The following NCOA3 variants were observed in gnomAD, a reference collection of about 807,000 sequenced individuals.
NCOA3 encodes nuclear receptor coactivator 3, also known as CBP-interacting protein.
A neutral mutation model predicts 158.8 loss-of-function variants in NCOA3; 51 were observed. That is an observed-to-expected ratio of 0.32 (90% CI 0.26 to 0.41). NCOA3 has a LOEUF of 0.41. NCOA3 is among the 10% of genes least tolerant of loss of function. The probability of loss-of-function intolerance (pLI) is 1.00; values close to 1 mark genes in which losing one functional copy is unlikely to be tolerated. For missense variants in NCOA3, 1,510 were observed against 1,746.6 expected, an observed-to-expected ratio of 0.86 and a Z score of 2.41; for synonymous variants, 537 against 592.4, an observed-to-expected ratio of 0.91 and a Z score of 1.36.
intron 1 of NCOA3, among the ~76,000 whole-genome samples, chr20:47,567,902 G>T (rs1191755634): frequency 1.3e-5 from 2 of 151,990 alleles, no homozygotes; most frequent in Non-Finnish European, 2.9e-5. Flanking sequence ...TAGAGATGGG[G>T]TCTTTCTGTG....
chr20:47,607,053 C>T (rs1355736712), intron 2 of NCOA3, among the ~76,000 whole-genome samples: 1 of 152,118 alleles, frequency 6.6e-6, no homozygotes, highest in Non-Finnish European at 1.5e-5. Context: ...ATCTAAATGA[C>T]CCGGTGTTTG....
chr20:47,511,550 T>TATATATATATATATACATACATAC, intron 1 of NCOA3, among the ~76,000 whole-genome samples: 6 of 52,266 alleles, frequency 1.1e-4, no homozygotes, highest in Non-Finnish European at 2.4e-4. Context: ...TATATATATA[T>TATATATATATATATACATACATAC]ATATATTTCT....
chr20:47,618,586 T>G (rs2086183969), intron 2 of NCOA3, among the ~76,000 whole-genome samples: 1 of 152,168 alleles, frequency 6.6e-6, no homozygotes, highest in Non-Finnish European at 1.5e-5. Flanking sequence ...ACTCCCGACC[T>G]CAGGTGATTC....
intron 1 of NCOA3, among the ~76,000 whole-genome samples, chr20:47,576,655 G>GA (rs1485681324): frequency 1.3e-5 from 2 of 152,146 alleles, no homozygotes; most frequent in African/African-American, 4.8e-5. Context: ...ATAAGAAAAG[G>GA]AAAATGTGCA....
At chr20:47,504,449 A>G (rs2083991112) in intron 1 of NCOA3, among the ~76,000 whole-genome samples, 2 of 147,524 alleles carry the variant, frequency 1.4e-5, no homozygotes, top group Admixed American at 1.3e-4. Flanking sequence ...TTGCAGGGAC[A>G]TTACATTAAA....
intron 1 of NCOA3, among the ~76,000 whole-genome samples, chr20:47,575,370 T>G (rs1486166860): frequency 6.6e-6 from 1 of 152,182 alleles, no homozygotes; most frequent in Non-Finnish European, 1.5e-5. Context: ...AACAACTAGG[T>G]CTATTTTAAA....
rs999620425 is a variant in NCOA3 at position 47,654,420 on chromosome 20, T to G, written c.*1003T>G. 6.6e-6 allele frequency: 1 copy of G among 152,636 alleles called. No individual in the cohort carries two copies. Among genetic ancestry groups the G allele is most frequent in the Admixed American group, 6.5e-5 (1 of 15,280 alleles). 9.5% of individuals were successfully genotyped at this position (152,636 alleles called of 1,614,324 possible). ...CTTTAAGATATTGTATTATGTAAAA[T>G]ATGTATATACCTTTTTTTGTAGGTC... On this transcript the variant is annotated 3_prime_UTR_variant, in exon 23 of 23. Coordinates refer to ENST00000371998, the MANE Select transcript of NCOA3 (RefSeq NM_181659.3).
intron 1 of NCOA3, among the ~76,000 whole-genome samples, chr20:47,530,751 C>T (rs2084531951): frequency 6.6e-6 from 1 of 152,166 alleles, no homozygotes; most frequent in African/African-American, 2.4e-5. Flanking sequence ...AGGCGTGGGC[C>T]ACTGCGCCTG....
intron 19 of NCOA3, 57 bp from the exon 20 acceptor site, chr20:47,650,925 A>G: frequency 6.6e-7 from 1 of 1,518,490 alleles, no homozygotes; most frequent in Admixed American, 1.7e-5. Context: ...TACTATATGT[A>G]TGCAACTGGC....
At chr20:47,623,629 A>C (rs563013565) in intron 3 of NCOA3, among the ~76,000 whole-genome samples, 1 of 152,286 alleles carries the variant, frequency 6.6e-6, no homozygotes, top group Non-Finnish European at 1.5e-5. Context: ...CTCAACTAAA[A>C]ATGCAAAAAT....
At chr20:47,507,610 T>TTTGTTGTTG (rs11472962) in intron 1 of NCOA3, among the ~76,000 whole-genome samples, 2 of 151,484 alleles carry the variant, frequency 1.3e-5, no homozygotes, top group East Asian at 1.9e-4. Context: ...CCAACAACTT[T>TTTGTTGTTG]TTGTTGTTGT....
chr20:47,511,583 C>G (rs2084142608), intron 1 of NCOA3, among the ~76,000 whole-genome samples: 1 of 36,970 alleles, frequency 2.7e-5, no homozygotes, highest in Admixed American at 4.4e-4. Flanking sequence ...GACGGTCTTG[C>G]TCTGTCACCC....
Position 47,511,550 on chromosome 20 carries a change from T to TATATATATATACATACACACAC in NCOA3, c.-99+9537_-99+9538insATATACATACACACACATATAT. ...ATATATATATATATATATATATATA[T>TATATATATATACATACACACAC]ATATATTTCTTTTTTTTTTTGAGAC... On this transcript the variant is annotated intron_variant, in intron 1 of 22. Transcript: ENST00000371998. 1.8e-3 allele frequency among the ~76,000 whole-genome samples: 95 copies of TATATATATATACATACACACAC among 52,260 alleles called. 4 individuals are homozygous for TATATATATATACATACACACAC. The highest frequency in any genetic ancestry group is 4.9e-3 in the African/African-American group (91 of 18,672). 34.3% of individuals were successfully genotyped at this position (52,260 alleles called of 152,430 possible).
At chr20:47,611,557 T>TG (rs2086043756) in intron 2 of NCOA3, among the ~76,000 whole-genome samples, 1 of 152,098 alleles carries the variant, frequency 6.6e-6, no homozygotes, top group African/African-American at 2.4e-5. Context: ...TTTGGGAGGC[T>TG]GGGGTAGGTT....
In NCOA3 at chr20:47,562,961, G is replaced by GTC. The variant is rs562549690; in HGVS notation, c.-98-20220_-98-20219dup. ...AGGTCTTGCTATGTTGGCCGGATTG[G>GTC]TCTTGAACTCTTGGCCTCAAGCAGT... On this transcript the variant is annotated intron_variant, in intron 1 of 22. Transcript: ENST00000371998. Among the ~76,000 whole-genome samples the GTC allele has an allele frequency of 3.4e-4, 52 of 152,230 alleles. No homozygotes were observed. In the South Asian group the frequency reaches 0.011, roughly 31 times the overall value.
chr20:47,644,281 A>C (rs2086654839), intron 17 of NCOA3, among the ~76,000 whole-genome samples: 1 of 151,884 alleles, frequency 6.6e-6, no homozygotes, highest in African/African-American at 2.4e-5. Flanking sequence ...CTGGGACTAC[A>C]GGTGCCCGCC....
chr20:47,549,471 A>G (rs2084894838), intron 1 of NCOA3, among the ~76,000 whole-genome samples: 2 of 151,600 alleles, frequency 1.3e-5, no homozygotes, highest in Non-Finnish European at 2.9e-5. Context: ...GAGACATGGC[A>G]ATCACTTGAG....
intron 1 of NCOA3, among the ~76,000 whole-genome samples, chr20:47,506,055 T>A (rs1234066073): frequency 1.3e-5 from 2 of 152,144 alleles, no homozygotes; most frequent in Admixed American, 1.3e-4. Flanking sequence ...TCCTCCTGCT[T>A]TGGCCTTCCA....
At chr20:47,575,645 G>T (rs1424074409) in intron 1 of NCOA3, among the ~76,000 whole-genome samples, 1 of 152,114 alleles carries the variant, frequency 6.6e-6, no homozygotes, top group East Asian at 1.9e-4. Context: ...TACTTTGCTG[G>T]TTTGGATAAG....
Sources: allele counts gnomAD v4.1 joint callset (sites outside exome capture counted in the v4.1 genomes callset), GRCh38; gene constraint gnomAD v4.1.1; transcripts MANE v1.5; gene names NCBI Gene and HGNC (gene_info 2026-07-23, HGNC 2026-07-21).